SLC35F5: variants seen among roughly 807,000 people sequenced by gnomAD.
SLC35F5 encodes the protein solute carrier family 35 member F5, also known as HCV NS5A-transactivated protein 3.
In SLC35F5, 54 loss-of-function variants were observed where a neutral mutation model predicts 68.6. The observed-to-expected ratio is 0.79, with a 90% CI of 0.63 to 0.99. The LOEUF is 0.99. Among genes scored for constraint, SLC35F5 ranks in the 50% least tolerant of loss-of-function variants. The pLI, the probability that SLC35F5 is intolerant of heterozygous loss-of-function variation, is 0.00. For missense variants in SLC35F5, 567 were observed against 626.9 expected (o/e 0.90, Z 1.02); for synonymous variants, 211 against 205.2 (o/e 1.03, Z -0.24).
chr2:113,722,678 C>G (rs75450151), intron 13 of SLC35F5, among the ~76,000 whole-genome samples: 3,761 of 152,308 alleles, frequency 0.025, 179 homozygotes, highest in African/African-American at 0.085. Context: ...ATGGGATACC[C>G]ACTCTGCTGA....
Position 113,725,547 on chromosome 2 carries a change from T to A in SLC35F5, c.1091-10A>T. 1 of 1,561,226 alleles carries A rather than the reference T, an allele frequency of 6.4e-7. No individual in the cohort carries two copies. The highest frequency in any genetic ancestry group is 2.3e-5 in the East Asian group (1 of 43,966). ...AACAAACCTACAAAACCTGAACATG[T>A]ATAAAAGAGACAAGAGTTAAAATTG... On this transcript the variant is annotated splice_polypyrimidine_tract_variant and intron_variant, in intron 11 of 15. Transcript: ENST00000245680.
intron 15 of SLC35F5, 37 bp downstream of exon 15, chr2:113,717,716 A>T (rs139745997): frequency 1.5e-6 from 2 of 1,306,438 alleles, no homozygotes; most frequent in African/African-American, 3.0e-5. Flanking sequence ...CACAGATAAG[A>T]ACCTTATTCA....
intron 8 of SLC35F5, 76 bp downstream of exon 8, chr2:113,735,701 T>C (rs1688062986): frequency 1.1e-6 from 1 of 901,810 alleles, no homozygotes; most frequent in African/African-American, 1.7e-5. Flanking sequence ...ATAAAAATGT[T>C]GTACATGTAC....
chr2:113,745,501 T>C (rs35667749), intron 5 of SLC35F5, among the ~76,000 whole-genome samples: 75,126 of 151,872 alleles, frequency 0.49, 19,217 homozygotes, highest in Middle Eastern at 0.66. Flanking sequence ...CTGAGCAACA[T>C]AGCAAGACCA....
At position 113,742,700 on chromosome 2, in the gene SLC35F5, A is replaced by C. The variant is rs1424249573; in HGVS notation, c.742T>G (p.Cys248Gly). 4 of 1,274,172 alleles carry C rather than the reference A, an allele frequency of 3.1e-6. No homozygotes were observed. The highest frequency in any genetic ancestry group is 5.5e-5 in the East Asian group (2 of 36,474). The allele number at this position is 1,274,172 out of a possible 1,614,324, so 78.9% of individuals were successfully genotyped here. Reference protein sequence around the residue: ...TQVAKISFFFCFVWFLANLSY... With the variant: ...TQVAKISFFFGFVWFLANLSY... ...TATCATAAAAGACCTACCACAAAGCAAAAAAAAAAGCTAATTTTCGCTACT... is the reference window on the plus strand; with the variant it reads ...TATCATAAAAGACCTACCACAAAGCCAAAAAAAAAGCTAATTTTCGCTACT... Residue 248 changes from cysteine to glycine, a missense_variant, in exon 7 of 16, where the codon TGC becomes GGC. Physicochemically the swap from Cys to Gly is radical, Grantham distance 159 (BLOSUM62 -3). Transcript: ENST00000245680.
chr2:113,719,445 T>C (rs1687337699), intron 13 of SLC35F5, 137 bp from the exon 14 acceptor site: 1 of 632,588 alleles, frequency 1.6e-6, no homozygotes, highest in African/African-American at 1.9e-5. Context: ...ACTGACAATG[T>C]ATTAAGTGTA....
At chr2:113,724,610 A>G (rs1291264753) in intron 12 of SLC35F5, among the ~76,000 whole-genome samples, 3 of 152,160 alleles carry the variant, frequency 2.0e-5, no homozygotes, top group Non-Finnish European at 4.4e-5. Flanking sequence ...AAAAAAGTCT[A>G]TTTCTGTTGC....
intron 5 of SLC35F5, among the ~76,000 whole-genome samples, chr2:113,744,141 ATAG>A (rs771216122): frequency 1.3e-5 from 2 of 152,218 alleles, no homozygotes; most frequent in African/African-American, 2.4e-5. Context: ...ACAAATGCTC[ATAG>A]TAGGAGTCTG....
chr2:113,721,188 TTA>T (rs2104981248), intron 13 of SLC35F5: 1 of 152,100 alleles, frequency 6.6e-6, no homozygotes, highest in Admixed American at 6.5e-5. Context: ...TAGATTTCTC[TTA>T]TGTTTGTGTT....
chr2:113,735,937 T>C, intron 7 of SLC35F5, 79 bp from the exon 8 acceptor site: 1 of 889,838 alleles, frequency 1.1e-6, no homozygotes, highest in Non-Finnish European at 1.8e-6. Context: ...ATTCCCTTTT[T>C]TGTTCTCCTC....
chr2:113,749,317 T>C (rs1221707584), intron 4 of SLC35F5, among the ~76,000 whole-genome samples: 9 of 152,180 alleles, frequency 5.9e-5, no homozygotes, highest in Non-Finnish European at 1.0e-4. Context: ...CTGAGCAACA[T>C]AGTGAGACAC....
chr2:113,708,136 C>T lies in SLC35F5; in HGVS notation c.*7082G>A, dbSNP rs1471151199. Among the ~76,000 whole-genome samples, 1 of 152,156 alleles carries T rather than the reference C, an allele frequency of 6.6e-6. No homozygotes were observed. Among genetic ancestry groups the T allele is most frequent in the Non-Finnish European group, 1.5e-5 (1 of 68,034 alleles). ...GCACCCCACAGTCAGCAGTTTAAGA[C>T]CATTCTGGATGAATGCAAATGCTTG... is the stretch of plus-strand genomic sequence containing the variant. On this transcript the variant is annotated 3_prime_UTR_variant, in exon 16 of 16. Coordinates refer to ENST00000245680, the MANE Select transcript of SLC35F5 (RefSeq NM_025181.5).
chr2:113,755,897 C>A, intron 1 of SLC35F5: 1 of 1,550,660 alleles, frequency 6.4e-7, no homozygotes, highest in African/African-American at 1.4e-5. Context: ...AGCGTCTAGA[C>A]ACTGTTTCTA....
Position 113,725,439 on chromosome 2 carries a change from A to C in SLC35F5, c.1189T>G (p.Leu397Val). Reference sequence around the variant, plus strand: ...AGGCCATTAATGATAATGCACATTAATACTACTTTATTGGGAAACTCGAAG... The same window carrying C: ...AGGCCATTAATGATAATGCACATTACTACTACTTTATTGGGAAACTCGAAG... ...EDFEFPNKVV[L>V]MCIIINGLIG... The change falls in exon 12 of 16, where the codon TTA becomes GTA. Residue 397 changes from leucine (L) to valine (V), a missense_variant. By Grantham distance (32) the Leu-to-Val change is conservative. Transcript: ENST00000245680. 1 of 1,611,580 alleles carries C rather than the reference A, an allele frequency of 6.2e-7. No homozygotes were observed. Among genetic ancestry groups the C allele is most frequent in the Non-Finnish European group, 8.5e-7 (1 of 1,179,150 alleles).
At position 113,735,860 on chromosome 2, in the gene SLC35F5, T is replaced by C; in HGVS notation, c.751-2A>G. 4 of 1,600,846 alleles carry C rather than the reference T, an allele frequency of 2.5e-6. No individual in the cohort carries two copies. The highest frequency in any genetic ancestry group is 3.4e-6 in the Non-Finnish European group (4 of 1,171,140). On this transcript the variant is annotated splice_acceptor_variant, in intron 7 of 15. Coordinates refer to ENST00000245680, the MANE Select transcript of SLC35F5 (RefSeq NM_025181.5). LOFTEE classifies it high-confidence loss of function. ...ATATGACAAATTTGCCAAAAACCAC[T>C]AAAGAAAAAGAAAACCAAAGTGAAC...
chr2:113,716,216 A>G (rs1015494229), intron 15 of SLC35F5, among the ~76,000 whole-genome samples: 3 of 152,222 alleles, frequency 2.0e-5, no homozygotes, highest in African/African-American at 7.2e-5. Context: ...TGAAGAAACA[A>G]CTAAAAACAT....
Position 113,731,584 on chromosome 2 carries a change from C to G in SLC35F5, c.985G>C (p.Gly329Arg). The G allele has an allele frequency of 6.2e-7, 1 of 1,611,448 alleles. No homozygotes were observed. The highest frequency in any genetic ancestry group is 8.5e-7 in the Non-Finnish European group (1 of 1,177,814). Residue 329 changes from glycine to arginine, a missense_variant and splice_region_variant, in exon 10 of 16, where the codon GGT becomes CGT. By Grantham distance (125) the Gly-to-Arg change is moderately radical. Transcript: ENST00000245680. ...AGAGAATCCAGAGTCCAGTACTTAC[C>G]TACTGTGTCTCTTCCAGCAGGTTTT... ...SEKPAGRDTV[G>R]SIWSLAGAML...
intron 3 of SLC35F5, among the ~76,000 whole-genome samples, chr2:113,754,286 C>A (rs1174679446): frequency 7.0e-6 from 1 of 143,056 alleles, no homozygotes; most frequent in Non-Finnish European, 1.5e-5. Context: ...CAGAGCAAGA[C>A]TCCATCTCAA....
rs113493205 is a variant in SLC35F5 at position 113,709,534 on chromosome 2, C to A, written c.*5684G>T. On this transcript the variant is annotated 3_prime_UTR_variant, in exon 16 of 16. Transcript: ENST00000245680. ...TTAGAGTTTCTCATTCTCACAGTCT[C>A]AGGCAGGTTGCATTAACCTCCACTT... is the stretch of plus-strand genomic sequence containing the variant. Among the ~76,000 whole-genome samples, 5 of 152,216 alleles carry A rather than the reference C, an allele frequency of 3.3e-5. No homozygotes were observed. The highest frequency in any genetic ancestry group is 9.7e-5 in the African/African-American group (4 of 41,448).
Sources: gnomAD v4.1 joint callset for allele counts (sites outside exome capture counted in the v4.1 genomes callset) on GRCh38, gnomAD v4.1.1 for gene constraint, MANE v1.5 for transcripts, NCBI Gene and HGNC (gene_info 2026-07-23, HGNC 2026-07-21) for gene names.